Variants in CNTNAP2 observed in about 807,000 individuals in gnomAD.
CNTNAP2 encodes the protein contactin associated protein 2.
In CNTNAP2, 98 loss-of-function variants were observed where a neutral mutation model predicts 155.2. The ratio of observed to expected loss-of-function variants is 0.63; its 90% CI spans 0.54 to 0.75. The LOEUF (loss-of-function observed/expected upper bound fraction) is 0.75, where lower values mean the gene tolerates loss of function less well. Ranked by LOEUF, CNTNAP2 falls within the 30% of genes least tolerant of loss-of-function variation. The pLI, the probability that CNTNAP2 is intolerant of heterozygous loss-of-function variation, is 0.00. For missense variants in CNTNAP2, 1,727 were observed against 1,688.1 expected (o/e 1.02, Z -0.40); for synonymous variants, 651 against 631.2 (o/e 1.03, Z -0.47).
chr7:148,009,250 G>T (rs1802030393), intron 15 of CNTNAP2, among the ~76,000 whole-genome samples: 1 of 152,148 alleles, frequency 6.6e-6, no homozygotes, highest in South Asian at 2.1e-4. Context: ...AGCCTATTTT[G>T]TAATAAAATA....
Position 146,753,703 on chromosome 7 carries a change from C to A in CNTNAP2, c.98-20568C>A, listed in dbSNP as rs1801944627. Among the ~76,000 whole-genome samples, 2 of 151,836 alleles carry A rather than the reference C, an allele frequency of 1.3e-5. 1 individual carries two copies. The highest frequency in any genetic ancestry group is 4.2e-4 in the South Asian group (2 of 4,818). Reference sequence around the variant, plus strand: ...GAAAACATTGTCTTGGTATTCAAACCATTTTCACCTGTGTTTATCATCAGA... The same window carrying A: ...GAAAACATTGTCTTGGTATTCAAACAATTTTCACCTGTGTTTATCATCAGA... On this transcript the variant is annotated intron_variant, in intron 1 of 23. Transcript: ENST00000361727.
intron 2 of CNTNAP2, among the ~76,000 whole-genome samples, chr7:146,825,956 T>C (rs1046377755): frequency 6.6e-6 from 1 of 152,156 alleles, no homozygotes; most frequent in African/African-American, 2.4e-5. Flanking sequence ...GTATATACCA[T>C]TGACATTATT....
intron 9 of CNTNAP2, among the ~76,000 whole-genome samples, chr7:147,377,361 C>G (rs1260108288): frequency 1.3e-5 from 2 of 151,744 alleles, no homozygotes; most frequent in Non-Finnish European, 2.9e-5. Flanking sequence ...ATGCTATAGT[C>G]TACTTTTTGT....
intron 9 of CNTNAP2, among the ~76,000 whole-genome samples, chr7:147,342,442 T>C (rs1425737048): frequency 1.3e-5 from 2 of 152,206 alleles, no homozygotes; most frequent in African/African-American, 4.8e-5. Flanking sequence ...CATGCTGCTT[T>C]TTATTTTCAA....
intron 10 of CNTNAP2, among the ~76,000 whole-genome samples, chr7:147,408,689 C>T (rs750042741): frequency 1.2e-4 from 19 of 152,090 alleles, no homozygotes; most frequent in Admixed American, 5.9e-4. Context: ...ACCCGGGAGG[C>T]GGAGCTTGCA....
chr7:147,198,953 G>GA (rs1802864219), intron 8 of CNTNAP2, among the ~76,000 whole-genome samples: 1 of 143,884 alleles, frequency 7.0e-6, no homozygotes, highest in Non-Finnish European at 1.5e-5. Context: ...CTAATCAAAG[G>GA]ACTTTTTTTT....
At chr7:147,360,102 A>G (rs1477404418) in intron 9 of CNTNAP2, among the ~76,000 whole-genome samples, 3 of 152,140 alleles carry the variant, frequency 2.0e-5, no homozygotes, top group Non-Finnish European at 4.4e-5. Context: ...CTAGAAAACT[A>G]AAATATACAC....
At chr7:148,243,848 A>G (rs1372965435) in intron 20 of CNTNAP2, among the ~76,000 whole-genome samples, 1 of 152,228 alleles carries the variant, frequency 6.6e-6, no homozygotes, top group Non-Finnish European at 1.5e-5. Flanking sequence ...GGTTTTATTT[A>G]GAAGTCTTAT....
At chr7:146,488,511 C>T (rs536402953) in intron 1 of CNTNAP2, among the ~76,000 whole-genome samples, 122 of 152,088 alleles carry the variant, frequency 8.0e-4, no homozygotes, top group African/African-American at 2.6e-3. Flanking sequence ...GTTAGGACTA[C>T]GCTACCACAA....
intron 13 of CNTNAP2, among the ~76,000 whole-genome samples, chr7:147,879,856 G>A (rs1469790099): frequency 2.0e-5 from 3 of 152,108 alleles, no homozygotes; most frequent in Admixed American, 6.5e-5. Flanking sequence ...GAGTGGAGCT[G>A]TTTGAGGGGT....
chr7:148,194,721 C>G (rs541418219), intron 18 of CNTNAP2, among the ~76,000 whole-genome samples: 318 of 152,206 alleles, frequency 2.1e-3, no homozygotes, highest in Non-Finnish European at 3.2e-3. Context: ...GGCGGAGTCC[C>G]AGGGCATGAG....
chr7:146,808,972 G>T (rs934037360), intron 2 of CNTNAP2, among the ~76,000 whole-genome samples: 2 of 152,148 alleles, frequency 1.3e-5, no homozygotes, highest in African/African-American at 4.8e-5. Context: ...ACCTGTTGAT[G>T]GACACTTATG....
chr7:147,655,663 A>G (rs10249312), intron 13 of CNTNAP2, among the ~76,000 whole-genome samples: 3,285 of 152,316 alleles, frequency 0.022, 122 homozygotes, highest in African/African-American at 0.075. Context: ...AGTTGTAAAC[A>G]GATGTGCTGT....
intron 3 of CNTNAP2, among the ~76,000 whole-genome samples, chr7:147,026,633 T>C (rs1402303947): frequency 1.3e-5 from 2 of 151,946 alleles, no homozygotes; most frequent in African/African-American, 4.8e-5. Context: ...TTTCTTTTTA[T>C]TTTTCCCCAG....
intron 16 of CNTNAP2, among the ~76,000 whole-genome samples, chr7:148,123,710 GAGAA>G (rs1352939338): frequency 1.3e-5 from 2 of 150,338 alleles, no homozygotes; most frequent in African/African-American, 2.5e-5. Context: ...GAGAGAAACA[GAGAA>G]AGAAAGAAAA....
chr7:146,532,855 C>A (rs801937), intron 1 of CNTNAP2, among the ~76,000 whole-genome samples: 2 of 151,682 alleles, frequency 1.3e-5, no homozygotes, highest in Non-Finnish European at 2.9e-5. Context: ...GAGGCCGAGG[C>A]GGGCGGATCA....
At chr7:147,420,675 T>A (rs1240842843) in intron 10 of CNTNAP2, among the ~76,000 whole-genome samples, 2 of 152,192 alleles carry the variant, frequency 1.3e-5, no homozygotes, top group African/African-American at 4.8e-5. Flanking sequence ...TAGATTTTTT[T>A]AAAGAAATTA....
chr7:146,495,905 G>T (rs2129132192), intron 1 of CNTNAP2, among the ~76,000 whole-genome samples: 1 of 152,172 alleles, frequency 6.6e-6, no homozygotes, highest in East Asian at 1.9e-4. Context: ...TCAAAAGAAG[G>T]TCAAAAAAAG....
chr7:148,136,546 C>G (rs1006533), intron 16 of CNTNAP2, among the ~76,000 whole-genome samples: 2 of 152,278 alleles, frequency 1.3e-5, no homozygotes, highest in South Asian at 4.1e-4. Flanking sequence ...GTCAAATAAA[C>G]CTCTTTTCTT....
Sources: allele counts gnomAD v4.1 joint callset (sites outside exome capture counted in the v4.1 genomes callset), GRCh38; gene constraint gnomAD v4.1.1; transcripts MANE v1.5; gene names NCBI Gene and HGNC (gene_info 2026-07-23, HGNC 2026-07-21).